Variants in BNC2 observed in about 807,000 individuals in gnomAD.
BNC2 encodes basonuclin zinc finger protein 2.
In BNC2, 20 loss-of-function variants were observed where a neutral mutation model predicts 76.3. The ratio of observed to expected loss-of-function variants is 0.26; its 90% CI spans 0.18 to 0.38. The LOEUF (loss-of-function observed/expected upper bound fraction) is 0.38. Among genes scored for constraint, BNC2 ranks in the 10% least tolerant of loss-of-function variants. The pLI is 1.00. For missense variants in BNC2, 1,382 were observed against 1,399.8 expected (o/e 0.99, Z 0.20); for synonymous variants, 582 against 514.8 (o/e 1.13, Z -1.77).
intron 1 of BNC2, among the ~76,000 whole-genome samples, chr9:16,795,488 A>T (rs1044842927): frequency 6.6e-5 from 10 of 151,920 alleles, no homozygotes; most frequent in African/African-American, 2.4e-4. Flanking sequence ...AAGGGAAAGA[A>T]TGCTCAAGGA....
At chr9:16,523,388 A>G (rs1368266491) in intron 5 of BNC2, among the ~76,000 whole-genome samples, 3 of 149,672 alleles carry the variant, frequency 2.0e-5, no homozygotes, top group Non-Finnish European at 3.0e-5. Context: ...GGAGAATGGC[A>G]TGAACCCGGG....
chr9:16,461,711 T>C (rs1821586421), intron 5 of BNC2, among the ~76,000 whole-genome samples: 1 of 152,158 alleles, frequency 6.6e-6, no homozygotes, highest in South Asian at 2.1e-4. Flanking sequence ...GCTCCAGTGA[T>C]TCAAGGAGGT....
In BNC2 at chr9:16,515,176, G is replaced by C. The variant is rs912179526; in HGVS notation, c.669+37354C>G. On this transcript the variant is annotated intron_variant, in intron 5 of 6. Coordinates refer to ENST00000380672, the MANE Select transcript of BNC2 (RefSeq NM_017637.6). ...TCAACATCATTAGCTGCATGGAGCA[G>C]AGCATGGAGATCCGAGAGGGAATCA... is the stretch of plus-strand genomic sequence containing the variant. Among the ~76,000 whole-genome samples, 31 of 152,196 alleles carry C rather than the reference G, an allele frequency of 2.0e-4. 1 individual carries two copies. The highest frequency in any genetic ancestry group is 2.0e-3 in the Admixed American group (31 of 15,286).
At chr9:16,614,194 G>C (rs1820630658) in intron 3 of BNC2, among the ~76,000 whole-genome samples, 1 of 152,134 alleles carries the variant, frequency 6.6e-6, no homozygotes, top group African/African-American at 2.4e-5. Flanking sequence ...AACAGACGTA[G>C]GGGTACACCC....
intron 1 of BNC2, among the ~76,000 whole-genome samples, chr9:16,852,073 CCTT>C (rs1819141239): frequency 6.6e-6 from 1 of 152,138 alleles, no homozygotes; most frequent in Non-Finnish European, 1.5e-5. Flanking sequence ...AGTCACACCG[CCTT>C]ATTATACAAA....
chr9:16,676,017 A>C (rs781416888), intron 3 of BNC2, among the ~76,000 whole-genome samples: 1 of 152,134 alleles, frequency 6.6e-6, no homozygotes, highest in Non-Finnish European at 1.5e-5. Context: ...GTGAGCCAAG[A>C]TTTCACCACT....
intron 4 of BNC2, 87 bp downstream of exon 4, chr9:16,582,896 C>G (rs976730749): frequency 2.0e-5 from 14 of 687,032 alleles, no homozygotes; most frequent in Non-Finnish European, 3.3e-5. Flanking sequence ...TAAACAGACA[C>G]ACACACACAC....
At chr9:16,454,636 G>A (rs1386133556) in intron 5 of BNC2, among the ~76,000 whole-genome samples, 1 of 152,066 alleles carries the variant, frequency 6.6e-6, no homozygotes, top group Non-Finnish European at 1.5e-5. Flanking sequence ...TACCTAATTT[G>A]TTTCTGTTGA....
At chr9:16,740,334 G>A (rs776767707) in intron 1 of BNC2, among the ~76,000 whole-genome samples, 1 of 152,144 alleles carries the variant, frequency 6.6e-6, no homozygotes, top group Non-Finnish European at 1.5e-5. Context: ...AGGCAGATAG[G>A]GAGATTGACA....
At chr9:16,838,067 T>C (rs1201326470) in intron 1 of BNC2, among the ~76,000 whole-genome samples, 2 of 152,218 alleles carry the variant, frequency 1.3e-5, no homozygotes, top group Admixed American at 1.3e-4. Context: ...CTACTGCCCT[T>C]TGGAGCTATG....
intron 1 of BNC2, among the ~76,000 whole-genome samples, chr9:16,764,080 T>C (rs1188842400): frequency 6.6e-6 from 1 of 152,190 alleles, no homozygotes; most frequent in Non-Finnish European, 1.5e-5. Flanking sequence ...AAAGTTAACA[T>C]TGCTCTCTCT....
intron 3 of BNC2, among the ~76,000 whole-genome samples, chr9:16,658,657 C>T (rs1454885286): frequency 6.6e-6 from 1 of 152,160 alleles, no homozygotes; most frequent in Non-Finnish European, 1.5e-5. Flanking sequence ...TAAGCATGTG[C>T]CCAGCCCTTT....
In BNC2 at chr9:16,522,601, G is replaced by A. The variant is rs116212541; in HGVS notation, c.669+29929C>T. ...TGAGACTTGATAACCTGAACAGTGG[G>A]AGCCAAGAGGCCTGAAGGTCATTTC... On this transcript the variant is annotated intron_variant, in intron 5 of 6. Transcript: ENST00000380672. Among the ~76,000 whole-genome samples, 271 of 152,248 alleles carry A rather than the reference G, an allele frequency of 1.8e-3. 2 individuals carry two copies. The highest frequency in any genetic ancestry group is 6.3e-3 in the African/African-American group (261 of 41,546).
chr9:16,778,680 C>G (rs954840022), intron 1 of BNC2, among the ~76,000 whole-genome samples: 8 of 152,186 alleles, frequency 5.3e-5, no homozygotes, highest in African/African-American at 1.7e-4. Flanking sequence ...ACCAGACTTC[C>G]AAGCCTGAGC....
intron 3 of BNC2, among the ~76,000 whole-genome samples, chr9:16,712,273 A>C (rs1230642319): frequency 6.6e-6 from 1 of 152,226 alleles, no homozygotes. Context: ...AATTTCAGTA[A>C]GTAAATTGTG....
chr9:16,516,655 CTTTT>C (rs1016226547), intron 5 of BNC2, among the ~76,000 whole-genome samples: 1 of 151,468 alleles, frequency 6.6e-6, no homozygotes. Context: ...ATGTGTGCTT[CTTTT>C]TTTTTCTTTT....
At chr9:16,510,807 C>T (rs7848584) in intron 5 of BNC2, among the ~76,000 whole-genome samples, 16,937 of 152,130 alleles carry the variant, frequency 0.11, 1,251 homozygotes, top group East Asian at 0.31. Flanking sequence ...GTATTTGGTG[C>T]TAAAGTGAGG....
At chr9:16,802,614 C>G (rs1817811712) in intron 1 of BNC2, among the ~76,000 whole-genome samples, 2 of 152,194 alleles carry the variant, frequency 1.3e-5, no homozygotes, top group Non-Finnish European at 2.9e-5. Context: ...CAACTTGCTT[C>G]ACATTACTCA....
At chr9:16,819,217 G>T (rs774605180) in intron 1 of BNC2, among the ~76,000 whole-genome samples, 6 of 152,314 alleles carry the variant, frequency 3.9e-5, no homozygotes, top group Middle Eastern at 3.4e-3. Context: ...GTATTTGACA[G>T]ATTTTATTAA....
Sources: allele counts gnomAD v4.1 joint callset (sites outside exome capture counted in the v4.1 genomes callset), GRCh38; gene constraint gnomAD v4.1.1; transcripts MANE v1.5; gene names NCBI Gene and HGNC (gene_info 2026-07-23, HGNC 2026-07-21).